Variants in ASXL3 observed in about 807,000 individuals in gnomAD.
The protein encoded by ASXL3 is ASXL transcriptional regulator 3.
ASXL3 carries 34 observed loss-of-function variants against 170.6 expected under a neutral mutation model. That is an observed-to-expected ratio of 0.20 (90% CI 0.15 to 0.27). The LOEUF is 0.27. ASXL3 is among the 10% of genes least tolerant of loss of function. The pLI is 1.00. For missense variants in ASXL3, 2,592 were observed against 2,695.3 expected (o/e 0.96, Z 0.85); for synonymous variants, 1,002 against 989.1 (o/e 1.01, Z -0.24).
At chr18:33,643,181 A>G (rs1309170807) in intron 2 of ASXL3, among the ~76,000 whole-genome samples, 1 of 151,874 alleles carries the variant, frequency 6.6e-6, no homozygotes, top group Non-Finnish European at 1.5e-5. Flanking sequence ...CAAATTTTCT[A>G]TGCTTTTGTC....
Position 33,745,778 on chromosome 18 carries a change from T to C in ASXL3, c.5930T>C (p.Leu1977Pro). 4 of 1,613,970 alleles carry C rather than the reference T, an allele frequency of 2.5e-6. No individual in the cohort carries two copies. Among genetic ancestry groups the C allele is most frequent in the Non-Finnish European group, 3.4e-6 (4 of 1,179,872 alleles). ...CAGAAGGGATTGGGAGAGGTTAGTC[T>C]TTCCTCAGCACCTCACCAGCTAAGG... ...LEQKGLGEVSLSSAPHQLRLA... is the reference protein window; with the variant it reads ...LEQKGLGEVSPSSAPHQLRLA... Residue 1977 changes from leucine to proline, a missense_variant, in exon 12 of 12, where the codon CTT becomes CCT. Transcript: ENST00000269197.
At chr18:33,676,769 A>G (rs2066437358) in intron 7 of ASXL3, among the ~76,000 whole-genome samples, 1 of 152,182 alleles carries the variant, frequency 6.6e-6, no homozygotes, top group African/African-American at 2.4e-5. Flanking sequence ...TTGTTTTAAT[A>G]ATACCCTCTC....
At chr18:33,735,977 T>C (rs2067538850) in intron 10 of ASXL3, among the ~76,000 whole-genome samples, 1 of 143,186 alleles carries the variant, frequency 7.0e-6, no homozygotes, top group African/African-American at 2.7e-5. Flanking sequence ...ACACTGGCTC[T>C]GATGTGTTTC....
chr18:33,636,796 G>A (rs2065773020), intron 2 of ASXL3, among the ~76,000 whole-genome samples: 1 of 151,936 alleles, frequency 6.6e-6, no homozygotes, highest in Non-Finnish European at 1.5e-5. Flanking sequence ...CTTGGATTTT[G>A]GATTTTTTTA....
At chr18:33,585,955 CATT>C (rs1212258890) in intron 1 of ASXL3, among the ~76,000 whole-genome samples, 20 of 152,086 alleles carry the variant, frequency 1.3e-4, no homozygotes, top group Admixed American at 3.9e-4. Flanking sequence ...ACACGTATTC[CATT>C]ATTCTTTATG....
chr18:33,734,422 A>G lies in ASXL3; in HGVS notation c.1082+7A>G. ...AGAGGTTTTATGGAGAAAAGTAAGT[A>G]CTAGAGTATTTTTTCTCATTTCTCT... On this transcript the variant is annotated splice_region_variant and intron_variant, in intron 10 of 11. Coordinates refer to ENST00000269197, the MANE Select transcript of ASXL3 (RefSeq NM_030632.3). The G allele has an allele frequency of 6.5e-7, 1 of 1,533,526 alleles. No individual in the cohort carries two copies. The highest frequency in any genetic ancestry group is 8.9e-7 in the Non-Finnish European group (1 of 1,125,558). 95.0% of individuals were successfully genotyped at this position (1,533,526 alleles called of 1,614,324 possible).
intron 1 of ASXL3, among the ~76,000 whole-genome samples, chr18:33,597,100 C>G (rs369335489): frequency 2.6e-4 from 39 of 152,260 alleles, no homozygotes; most frequent in South Asian, 6.2e-4. Flanking sequence ...CAGACGTGAC[C>G]CACTGCGCCT....
chr18:33,664,081 T>C (rs889593102), intron 5 of ASXL3, among the ~76,000 whole-genome samples: 3 of 152,144 alleles, frequency 2.0e-5, no homozygotes, highest in South Asian at 2.1e-4. Flanking sequence ...TTAGCTGTTA[T>C]GGTTTCTAGA....
intron 4 of ASXL3, among the ~76,000 whole-genome samples, chr18:33,649,973 G>A (rs2065972763): frequency 6.6e-6 from 1 of 152,078 alleles, no homozygotes; most frequent in African/African-American, 2.4e-5. Flanking sequence ...GCCTGGATGA[G>A]GTGGCATCAG....
At chr18:33,620,404 G>T (rs1054486883) in intron 2 of ASXL3, among the ~76,000 whole-genome samples, 1 of 151,990 alleles carries the variant, frequency 6.6e-6, no homozygotes, top group African/African-American at 2.4e-5. Context: ...TAAATGTTAG[G>T]ATTAGCAAGG....
chr18:33,596,415 G>A (rs1344766826), intron 1 of ASXL3, among the ~76,000 whole-genome samples: 3 of 152,176 alleles, frequency 2.0e-5, no homozygotes, highest in Non-Finnish European at 2.9e-5. Context: ...GGTGGTGGTG[G>A]TGGTGTCCAT....
chr18:33,607,741 CG>C, intron 2 of ASXL3, 65 bp downstream of exon 2: 2 of 1,216,164 alleles, frequency 1.6e-6, no homozygotes, highest in Non-Finnish European at 2.4e-6. Flanking sequence ...CGTTGCTAAG[CG>C]ATAGGTGTAT....
intron 8 of ASXL3, among the ~76,000 whole-genome samples, chr18:33,713,833 T>C (rs983873913): frequency 1.5e-4 from 23 of 152,222 alleles, no homozygotes; most frequent in Admixed American, 9.8e-4. Flanking sequence ...ACAACCGTTA[T>C]AAAAGTTCTA....
At position 33,746,674 on chromosome 18, in the gene ASXL3, A is replaced by G; in HGVS notation, c.*79A>G. 6.7e-7 allele frequency: 1 copy of G among 1,488,214 alleles called. No homozygotes were observed. Among genetic ancestry groups the G allele is most frequent in the Non-Finnish European group, 8.9e-7 (1 of 1,126,102 alleles). The allele number at this position is 1,488,214 out of a possible 1,614,324, so 92.2% of individuals were successfully genotyped here. A position where few individuals can be genotyped will look rare whatever the true frequency, so the allele number is the denominator to read the frequency against. On this transcript the variant is annotated 3_prime_UTR_variant, in exon 12 of 12. Transcript: ENST00000269197. ...TCAGCAACAACAAATAGAATAATGC[A>G]GTGGTTTCTATCATGCTAATTTATT...
chr18:33,672,848 C>T (rs16964859), intron 7 of ASXL3, among the ~76,000 whole-genome samples: 3,346 of 152,054 alleles, frequency 0.022, 126 homozygotes, highest in African/African-American at 0.077. Context: ...AATCTTGGGA[C>T]ATACTTCTAA....
chr18:33,743,419 C>T lies in ASXL3; in HGVS notation c.3571C>T (p.Leu1191Phe), dbSNP rs767622302. The change falls in exon 12 of 12, where the codon CTT (leucine) becomes TTT (phenylalanine). Residue 1191 changes from leucine to phenylalanine, a missense_variant. This residue lies in a region of ASXL3 where 2,246 missense variants were observed against 2,219.6 expected (regional missense o/e 1.01). Coordinates refer to ENST00000269197, the MANE Select transcript of ASXL3 (RefSeq NM_030632.3). ...VLQQSLNPSK[L>F]PETATDLSVH... ...ACAGCAGTCTCTTAACCCAAGTAAA[C>T]TTCCAGAAACTGCCACTGACTTATC... 45 of 1,613,222 alleles carry T rather than the reference C, an allele frequency of 2.8e-5. No individual in the cohort carries two copies. The highest frequency in any genetic ancestry group is 3.7e-5 in the Non-Finnish European group (44 of 1,179,870).
intron 8 of ASXL3, among the ~76,000 whole-genome samples, chr18:33,707,751 C>T (rs532677761): frequency 4.9e-4 from 74 of 151,708 alleles, no homozygotes; most frequent in Admixed American, 1.5e-3. Flanking sequence ...TTTTAAACTT[C>T]GGTTTAAAGA....
In ASXL3 at chr18:33,597,793, CAA is replaced by C. The variant is rs34304405; in HGVS notation, c.55-9789_55-9788del. Among the ~76,000 whole-genome samples, 342 of 132,574 alleles carry C rather than the reference CAA, an allele frequency of 2.6e-3. 2 individuals are homozygous for C. The highest frequency in any genetic ancestry group is 7.8e-3 in the African/African-American group (289 of 37,152). 87.0% of individuals were successfully genotyped at this position (132,574 alleles called of 152,430 possible). On this transcript the variant is annotated intron_variant, in intron 1 of 11. Coordinates refer to ENST00000269197, the MANE Select transcript of ASXL3 (RefSeq NM_030632.3). ...ATTGGTGTCTCAGTTCTCTCATCTA[CAA>C]AAAAAAAAAAACAAAAAAAACAAAA...
At position 33,738,564 on chromosome 18, in the gene ASXL3, G is replaced by T; in HGVS notation, c.1160G>T (p.Cys387Phe). The T allele has an allele frequency of 6.2e-7, 1 of 1,613,842 alleles. No individual in the cohort carries two copies. The highest frequency in any genetic ancestry group is 8.5e-7 in the Non-Finnish European group (1 of 1,179,814). Residue 387 changes from cysteine to phenylalanine, a missense_variant, in exon 11 of 12, where the codon TGT (cysteine) becomes TTT (phenylalanine). This residue lies in a region of ASXL3 where 2,246 missense variants were observed against 2,219.6 expected (regional missense o/e 1.01). Coordinates refer to ENST00000269197, the MANE Select transcript of ASXL3 (RefSeq NM_030632.3). Reference protein sequence around the residue: ...NNAGAQSSSSCGTSGLPVSAQ... With the variant: ...NNAGAQSSSSFGTSGLPVSAQ... ...GCTGGAGCTCAAAGTAGTTCTTCAT[G>T]TGGGACTTCTGGCCTTCCAGTTTCT...
Sources: gnomAD v4.1 joint callset for allele counts (sites outside exome capture counted in the v4.1 genomes callset) on GRCh38, gnomAD v4.1.1 for gene constraint, gnomAD v4.1.1 regional missense constraint, MANE v1.5 for transcripts, NCBI Gene and HGNC (gene_info 2026-07-23, HGNC 2026-07-21) for gene names.